Variants in NRXN3 observed in about 807,000 individuals in gnomAD.
The protein encoded by NRXN3 is neurexin III.
NRXN3 carries 32 observed loss-of-function variants against 137.6 expected under a neutral mutation model. The observed-to-expected ratio is 0.23, with a 90% CI of 0.18 to 0.31. The LOEUF (loss-of-function observed/expected upper bound fraction) is 0.31. NRXN3 is among the 10% of genes least tolerant of loss of function. The pLI, the probability that NRXN3 is intolerant of heterozygous loss-of-function variation, is 1.00. For synonymous variants in NRXN3, 798 were observed against 784.5 expected (o/e 1.02, Z -0.29); for missense variants, 1,574 against 2,062.5 (o/e 0.76, Z 4.59).
intron 20 of NRXN3, among the ~76,000 whole-genome samples, chr14:79,859,586 T>C (rs1479407043): frequency 6.6e-6 from 1 of 152,188 alleles, no homozygotes; most frequent in Non-Finnish European, 1.5e-5. Context: ...TGGAGTCCCC[T>C]AGAACTCTGG....
chr14:78,280,990 G>A (rs1195920079), intron 3 of NRXN3, among the ~76,000 whole-genome samples: 1 of 152,240 alleles, frequency 6.6e-6, no homozygotes, highest in East Asian at 1.9e-4. Context: ...CAGCTGTTGA[G>A]TGGCAGGGCC....
At chr14:79,840,562 G>A (rs1393791640) in intron 20 of NRXN3, among the ~76,000 whole-genome samples, 1 of 152,042 alleles carries the variant, frequency 6.6e-6, no homozygotes, top group Admixed American at 6.6e-5. Context: ...TTAAAAAACT[G>A]GTGAAGGGTG....
intron 10 of NRXN3, among the ~76,000 whole-genome samples, chr14:78,909,747 G>C (rs532714829): frequency 2.0e-5 from 3 of 152,182 alleles, no homozygotes; most frequent in African/African-American, 7.2e-5. Context: ...TATCATCTCT[G>C]ACAAAAGTGT....
intron 15 of NRXN3, among the ~76,000 whole-genome samples, chr14:79,171,660 A>G (rs1596772306): frequency 6.6e-6 from 1 of 152,186 alleles, no homozygotes. Context: ...GAGTGGATAT[A>G]GTATTTAAGT....
At chr14:78,325,887 T>C (rs1234090890) in intron 4 of NRXN3, among the ~76,000 whole-genome samples, 2 of 152,164 alleles carry the variant, frequency 1.3e-5, no homozygotes, top group Non-Finnish European at 2.9e-5. Context: ...CAAGTTGTCA[T>C]TTTTGAGGGA....
chr14:78,807,838 G>C (rs979970553), intron 9 of NRXN3, among the ~76,000 whole-genome samples: 4 of 150,832 alleles, frequency 2.7e-5, no homozygotes, highest in African/African-American at 9.7e-5. Context: ...AATTAAAACA[G>C]GCAACACACA....
intron 19 of NRXN3, among the ~76,000 whole-genome samples, chr14:79,755,195 A>C (rs1431105583): frequency 6.6e-6 from 1 of 152,102 alleles, no homozygotes; most frequent in Non-Finnish European, 1.5e-5. Context: ...ATATCCTCTC[A>C]CGTACTTTAA....
chr14:79,466,602 A>AT (rs139244613), intron 15 of NRXN3, among the ~76,000 whole-genome samples: 3,617 of 152,050 alleles, frequency 0.024, 152 homozygotes, highest in African/African-American at 0.083. Flanking sequence ...AGAAAAAAAA[A>AT]CTCCTAGAAA....
intron 4 of NRXN3, among the ~76,000 whole-genome samples, chr14:78,607,216 C>T (rs1412186132): frequency 6.6e-6 from 1 of 152,184 alleles, no homozygotes; most frequent in Non-Finnish European, 1.5e-5. Context: ...GCATTCATTC[C>T]AGTGGCATAT....
chr14:79,117,173 A>G (rs2054590447), intron 15 of NRXN3, among the ~76,000 whole-genome samples: 1 of 152,204 alleles, frequency 6.6e-6, no homozygotes, highest in Non-Finnish European at 1.5e-5. Context: ...AAGCAGTCAC[A>G]TGATTATGAA....
intron 15 of NRXN3, among the ~76,000 whole-genome samples, chr14:79,294,650 A>T (rs1278091280): frequency 6.6e-6 from 1 of 152,190 alleles, no homozygotes; most frequent in Non-Finnish European, 1.5e-5. Context: ...ACCCTGTATG[A>T]CCTAGAATCT....
At chr14:79,104,479 CTG>C (rs1350329724) in intron 15 of NRXN3, among the ~76,000 whole-genome samples, 2 of 152,166 alleles carry the variant, frequency 1.3e-5, no homozygotes, top group African/African-American at 4.8e-5. Flanking sequence ...GACTATGACT[CTG>C]GTAAACTTTG....
At chr14:78,337,658 C>T (rs2081630722) in intron 4 of NRXN3, among the ~76,000 whole-genome samples, 1 of 152,124 alleles carries the variant, frequency 6.6e-6, no homozygotes, top group South Asian at 2.1e-4. Context: ...AGGCAGAGCA[C>T]TGGATATTTT....
intron 4 of NRXN3, among the ~76,000 whole-genome samples, chr14:78,368,168 C>T (rs2086262536): frequency 6.6e-6 from 1 of 152,164 alleles, no homozygotes; most frequent in Admixed American, 6.5e-5. Flanking sequence ...TATCCCCTAT[C>T]CCATTAAGCT....
At chr14:78,429,535 A>G (rs555983447) in intron 4 of NRXN3, among the ~76,000 whole-genome samples, 59 of 152,312 alleles carry the variant, frequency 3.9e-4, no homozygotes, top group African/African-American at 1.3e-3. Flanking sequence ...ATATCTCCAG[A>G]GTATGGACTT....
chr14:79,854,925 G>C (rs1054917655), intron 20 of NRXN3, among the ~76,000 whole-genome samples: 1 of 152,096 alleles, frequency 6.6e-6, no homozygotes, highest in Non-Finnish European at 1.5e-5. Context: ...CAGGTGTTTC[G>C]AGTATTGTTC....
At chr14:79,157,735 T>G (rs1182573498) in intron 15 of NRXN3, among the ~76,000 whole-genome samples, 1 of 151,828 alleles carries the variant, frequency 6.6e-6, no homozygotes, top group Admixed American at 6.6e-5. Flanking sequence ...AATTCTTACC[T>G]GTTAGACTGG....
chr14:78,566,344 G>T (rs2096835394), intron 4 of NRXN3, among the ~76,000 whole-genome samples: 1 of 151,736 alleles, frequency 6.6e-6, no homozygotes, highest in Non-Finnish European at 1.5e-5. Flanking sequence ...AAAAATATCT[G>T]CTATGGAAGC....
At chr14:79,457,384 G>T (rs1307788324) in intron 15 of NRXN3, among the ~76,000 whole-genome samples, 1 of 152,174 alleles carries the variant, frequency 6.6e-6, no homozygotes, top group Non-Finnish European at 1.5e-5. Context: ...TAGAGTGCCT[G>T]TTAGTTATTT....
Sources: gnomAD v4.1 joint callset for allele counts (sites outside exome capture counted in the v4.1 genomes callset) on GRCh38, gnomAD v4.1.1 for gene constraint, MANE v1.5 for transcripts, NCBI Gene and HGNC (gene_info 2026-07-23, HGNC 2026-07-21) for gene names.